The following A2ML1 variants were observed in gnomAD, a reference collection of about 807,000 sequenced individuals.
A2ML1 encodes the protein alpha-2-macroglobulin like 1.
Under a neutral mutation model 181.9 loss-of-function variants are expected in A2ML1, and 161 were observed. That is an observed-to-expected ratio of 0.89 (90% CI 0.78 to 1.01). The LOEUF (loss-of-function observed/expected upper bound fraction) is 1.01. Ranked by LOEUF, A2ML1 falls within the 50% of genes least tolerant of loss-of-function variation. The pLI, the probability that A2ML1 is intolerant of heterozygous loss-of-function variation, is 0.00. For missense variants in A2ML1, 1,670 were observed against 1,768.1 expected, an observed-to-expected ratio of 0.94 and a Z score of 1.00; for synonymous variants, 663 against 666.8, an observed-to-expected ratio of 0.99 and a Z score of 0.09.
At chr12:8,843,962 C>T (rs1240664532) in intron 12 of A2ML1, among the ~76,000 whole-genome samples, 1 of 152,056 alleles carries the variant, frequency 6.6e-6, no homozygotes, top group Non-Finnish European at 1.5e-5. Context: ...CCTCGTGATC[C>T]ACCTGCCTCA....
intron 9 of A2ML1, among the ~76,000 whole-genome samples, chr12:8,838,891 G>C (rs1413192074): frequency 6.7e-6 from 1 of 149,548 alleles, no homozygotes; most frequent in African/African-American, 2.5e-5. Context: ...CTCCAGCCTG[G>C]GCAACAGAGC....
At chr12:8,854,898 T>TC in intron 22 of A2ML1, 67 bp downstream of exon 22, 4 of 1,259,154 alleles carry the variant, frequency 3.2e-6, no homozygotes, top group Non-Finnish European at 4.3e-6. Flanking sequence ...TTCTTTTCAT[T>TC]TTTTTTTTTT....
intron 13 of A2ML1, among the ~76,000 whole-genome samples, chr12:8,845,849 C>CAAAAA (rs1231550807): frequency 1.8e-5 from 1 of 55,520 alleles, no homozygotes; most frequent in Non-Finnish European, 3.5e-5. Flanking sequence ...GACTCCGTCT[C>CAAAAA]AAAAAAAAAA....
Position 8,855,497 on chromosome 12 carries a change from T to G in A2ML1, c.2765-12T>G. 6.2e-7 allele frequency: 1 copy of G among 1,613,814 alleles called. No homozygotes were observed. Among genetic ancestry groups the G allele is most frequent in the Non-Finnish European group, 8.5e-7 (1 of 1,179,804 alleles). On this transcript the variant is annotated splice_polypyrimidine_tract_variant and intron_variant, in intron 22 of 35. Coordinates refer to ENST00000299698, the MANE Select transcript of A2ML1 (RefSeq NM_144670.6). ...TCTTCTATTGTGTCACCTTTTTTTCTGCATCTCACAGGAAAGGTGGCATCT... is the reference window on the plus strand; with the variant it reads ...TCTTCTATTGTGTCACCTTTTTTTCGGCATCTCACAGGAAAGGTGGCATCT...
intron 33 of A2ML1, among the ~76,000 whole-genome samples, chr12:8,870,298 C>T (rs374405805): frequency 2.6e-5 from 4 of 151,764 alleles, no homozygotes; most frequent in East Asian, 1.9e-4. Flanking sequence ...GACGCAGTCT[C>T]GCTCTGTCAC....
At position 8,858,122 on chromosome 12, in the gene A2ML1, C is replaced by T; in HGVS notation, c.3264+20C>T. On this transcript the variant is annotated intron_variant, in intron 26 of 35. Coordinates refer to ENST00000299698, the MANE Select transcript of A2ML1 (RefSeq NM_144670.6). ...ATGAAGGTGCGGATCTGTCCAGGAG[C>T]CTGCAGCCAACCACTGTCTCGAAGG... The T allele has an allele frequency of 6.2e-7, 1 of 1,608,682 alleles. No homozygotes were observed. Among genetic ancestry groups the T allele is most frequent in the Non-Finnish European group, 8.5e-7 (1 of 1,176,782 alleles).
intron 33 of A2ML1, among the ~76,000 whole-genome samples, chr12:8,874,207 G>A (rs897995005): frequency 1.3e-5 from 2 of 151,896 alleles, no homozygotes; most frequent in Admixed American, 1.3e-4. Context: ...GTAGAGATGG[G>A]GTTTCACCAT....
At position 8,866,084 on chromosome 12, in the gene A2ML1, G is replaced by A. The variant is rs764168877; in HGVS notation, c.3718-1758G>A. On this transcript the variant is annotated intron_variant, in intron 29 of 35. Transcript: ENST00000299698. Reference sequence around the variant, plus strand: ...TGTAATCCCAGCACTTTGGGAGGCCGAGGCAGGTGGATCACGAGGTCAGGA... The same window carrying A: ...TGTAATCCCAGCACTTTGGGAGGCCAAGGCAGGTGGATCACGAGGTCAGGA... 3.7e-3 allele frequency among the ~76,000 whole-genome samples: 569 copies of A among 152,082 alleles called. 4 individuals carry two copies. The highest frequency in any genetic ancestry group is 0.012 in the African/African-American group (506 of 41,508).
chr12:8,823,135 A>C, intron 1 of A2ML1, 47 bp from the exon 2 acceptor site: 1 of 1,578,128 alleles, frequency 6.3e-7, no homozygotes. Context: ...GGATTTTTCG[A>C]GTGAATGAAT....
chr12:8,863,247 G>C (rs1452790558), intron 28 of A2ML1, among the ~76,000 whole-genome samples: 12 of 151,872 alleles, frequency 7.9e-5, no homozygotes, highest in Non-Finnish European at 1.5e-4. Context: ...GCTGGGATTA[G>C]AGGCACGCGC....
chr12:8,876,998 C>T (rs1211198268), downstream of A2ML1, among the ~76,000 whole-genome samples: 1 of 152,112 alleles, frequency 6.6e-6, no homozygotes, highest in Non-Finnish European at 1.5e-5. Context: ...GCAGGGCAAA[C>T]AGTGATGGAT....
intron 12 of A2ML1, among the ~76,000 whole-genome samples, chr12:8,844,036 C>T (rs1351010806): frequency 6.7e-6 from 1 of 149,774 alleles, no homozygotes; most frequent in African/African-American, 2.5e-5. Context: ...ATTCAATATT[C>T]CTATGTGGCT....
chr12:8,856,946 A>C (rs551912753), intron 23 of A2ML1, among the ~76,000 whole-genome samples: 5 of 133,018 alleles, frequency 3.8e-5, no homozygotes, highest in Non-Finnish European at 7.7e-5. Context: ...GGGTTTGTCC[A>C]TGTTGGTCAG....
intron 10 of A2ML1, among the ~76,000 whole-genome samples, chr12:8,840,086 G>A (rs1231271356): frequency 3.9e-5 from 6 of 152,104 alleles, no homozygotes; most frequent in Admixed American, 6.5e-5. Flanking sequence ...CCGGCAGGGC[G>A]TGGTGGCTCA....
In A2ML1 at chr12:8,861,216, G is replaced by A. The variant is rs200748759; in HGVS notation, c.3421G>A (p.Ala1141Thr). Residue 1141 changes from alanine (A) to threonine (T), a missense_variant, in exon 28 of 36, where the codon GCT becomes ACT. Coordinates refer to ENST00000299698, the MANE Select transcript of A2ML1 (RefSeq NM_144670.6). Reference protein sequence around the residue: ...TTNLYTQALLAYIFSLAGEMD... With the variant: ...TTNLYTQALLTYIFSLAGEMD... ...CAACCTCTACACACAGGCCCTGTTG[G>A]CTTACATTTTCTCCCTGGCTGGGGA... The A allele has an allele frequency of 1.9e-6, 3 of 1,614,110 alleles. No homozygotes were observed. The Admixed American group carries it at 5.0e-5, about 27-fold the overall frequency.
chr12:8,860,176 G>T (rs1327743544), intron 26 of A2ML1, among the ~76,000 whole-genome samples: 1 of 151,794 alleles, frequency 6.6e-6, no homozygotes, highest in Non-Finnish European at 1.5e-5. Flanking sequence ...TGAATAGCTG[G>T]GACCACGGAT....
At chr12:8,861,093 AG>A (rs772386420) in intron 27 of A2ML1, 41 bp from the exon 28 acceptor site, 2 of 1,609,720 alleles carry the variant, frequency 1.2e-6, no homozygotes. Context: ...CCATTTTTAA[AG>A]GAATGCCTTA....
At chr12:8,837,714 T>C in intron 8 of A2ML1, 148 bp downstream of exon 8, 1 of 870,360 alleles carries the variant, frequency 1.1e-6, no homozygotes, top group Non-Finnish European at 1.6e-6. Flanking sequence ...ACCCCGTCTC[T>C]ATTAAAAATT....
At chr12:8,851,046 A>G (rs1943871494) in intron 18 of A2ML1, among the ~76,000 whole-genome samples, 1 of 152,150 alleles carries the variant, frequency 6.6e-6, no homozygotes, top group Admixed American at 6.6e-5. Flanking sequence ...GCCTACCTGA[A>G]TTCTTCATGC....
Sources: gnomAD v4.1 joint callset for allele counts (sites outside exome capture counted in the v4.1 genomes callset) on GRCh38, gnomAD v4.1.1 for gene constraint, MANE v1.5 for transcripts, NCBI Gene and HGNC (gene_info 2026-07-23, HGNC 2026-07-21) for gene names.